The following SNX29 variants were observed in gnomAD, a reference collection of about 807,000 sequenced individuals.
SNX29 encodes the protein sorting nexin 29.
In SNX29, 78 loss-of-function variants were observed where a neutral mutation model predicts 102.1. That is an observed-to-expected ratio of 0.76 (90% CI 0.64 to 0.92). SNX29 has a LOEUF of 0.92. Among genes scored for constraint, SNX29 ranks in the 40% least tolerant of loss-of-function variants. The pLI is 0.00. For synonymous variants in SNX29, 580 were observed against 414.5 expected, an observed-to-expected ratio of 1.40 and a Z score of -4.85; for missense variants, 1,280 against 1,061.7, an observed-to-expected ratio of 1.21 and a Z score of -2.86.
At chr16:12,135,211 C>A (rs977001353) in intron 13 of SNX29, among the ~76,000 whole-genome samples, 2 of 152,248 alleles carry the variant, frequency 1.3e-5, no homozygotes, top group East Asian at 3.8e-4. Context: ...CTTCCAGAAA[C>A]ATCATCACAG....
At chr16:12,130,944 A>G (rs569830638) in intron 13 of SNX29, among the ~76,000 whole-genome samples, 8 of 152,130 alleles carry the variant, frequency 5.3e-5, no homozygotes, top group South Asian at 4.2e-4. Context: ...TGCTGCTACT[A>G]ATAATGCCAC....
At chr16:12,393,581 C>G (rs1056242758) in intron 16 of SNX29, among the ~76,000 whole-genome samples, 2 of 152,126 alleles carry the variant, frequency 1.3e-5, no homozygotes, top group Admixed American at 1.3e-4. Flanking sequence ...GGAGTCATTA[C>G]AAGCTGAAGA....
chr16:11,994,791 G>T (rs562920921), intron 1 of SNX29, among the ~76,000 whole-genome samples: 1 of 152,306 alleles, frequency 6.6e-6, no homozygotes, highest in African/African-American at 2.4e-5. Context: ...GATTCAAAGG[G>T]AGAAGGTAAG....
chr16:12,547,403 G>A (rs914726098), intron 20 of SNX29, among the ~76,000 whole-genome samples: 2 of 152,156 alleles, frequency 1.3e-5, no homozygotes, highest in East Asian at 1.9e-4. Context: ...GATAGAACAG[G>A]TAGTTAGGGG....
chr16:12,498,972 T>C (rs1166684311), intron 19 of SNX29, among the ~76,000 whole-genome samples: 1 of 152,148 alleles, frequency 6.6e-6, no homozygotes, highest in Non-Finnish European at 1.5e-5. Context: ...AATGGAGCCA[T>C]AGCTCCTTTT....
Position 11,976,824 on chromosome 16 carries a change from GC to G in SNX29, c.7+15del, listed in dbSNP as rs1328145621. 6.8e-5 allele frequency: 94 copies of G among 1,373,280 alleles called. No individual in the cohort carries two copies. The highest frequency in any genetic ancestry group is 8.3e-5 in the Non-Finnish European group (88 of 1,062,910). 85.1% of individuals were successfully genotyped at this position (1,373,280 alleles called of 1,614,324 possible). A position where few individuals can be genotyped will look rare whatever the true frequency, so the allele number is the denominator to read the frequency against. ...GAGGCACCATGAGCGGTGAGTGGCG[GC>G]CCCGCCGCTGTCACCTGCCCCGGCC... On this transcript the variant is annotated intron_variant, in intron 1 of 20. Coordinates refer to ENST00000566228, the MANE Select transcript of SNX29 (RefSeq NM_032167.5).
At chr16:12,560,878 A>T in intron 20 of SNX29, 1 of 188,230 alleles carries the variant, frequency 5.3e-6, no homozygotes, top group East Asian at 8.5e-5. Flanking sequence ...CTTTAGTTCA[A>T]GATTTGACAA....
At chr16:11,982,475 G>A (rs1236228821) in intron 1 of SNX29, among the ~76,000 whole-genome samples, 1 of 147,362 alleles carries the variant, frequency 6.8e-6, no homozygotes, top group Non-Finnish European at 1.5e-5. Flanking sequence ...TGTCACCCAG[G>A]CTGGAGTGCA....
chr16:12,237,462 C>T (rs768255940), intron 14 of SNX29, among the ~76,000 whole-genome samples: 3 of 152,202 alleles, frequency 2.0e-5, no homozygotes, highest in Non-Finnish European at 2.9e-5. Flanking sequence ...GACAGCCATG[C>T]CCCTGGATAG....
rs368537710 is a variant in SNX29, at chr16:12,531,979, C to G, written c.2318+7138C>G. Among the ~76,000 whole-genome samples, 13 of 152,262 alleles carry G rather than the reference C, an allele frequency of 8.5e-5. No individual in the cohort carries two copies. In the South Asian group the frequency reaches 1.0e-3, roughly 12 times the overall value. On this transcript the variant is annotated intron_variant, in intron 20 of 20. Transcript: ENST00000566228. ...CTGCTGAAAATTAAGATGTAGCAAT[C>G]ACAGTTTGGAGGAATCCACAGCGAC...
At chr16:12,397,598 T>C (rs2083767056) in intron 16 of SNX29, among the ~76,000 whole-genome samples, 1 of 152,162 alleles carries the variant, frequency 6.6e-6, no homozygotes, top group Non-Finnish European at 1.5e-5. Context: ...TGATCCTCCT[T>C]CTTAAAATTT....
At chr16:12,199,160 C>A (rs1355071390) in intron 13 of SNX29, among the ~76,000 whole-genome samples, 1 of 152,184 alleles carries the variant, frequency 6.6e-6, no homozygotes, top group Non-Finnish European at 1.5e-5. Flanking sequence ...TGATGCCTGG[C>A]AAATAATAAA....
intron 1 of SNX29, among the ~76,000 whole-genome samples, chr16:11,978,263 C>A (rs577563437): frequency 6.6e-6 from 1 of 152,034 alleles, no homozygotes; most frequent in East Asian, 1.9e-4. Flanking sequence ...TTAGTAATAC[C>A]TCAGTAAAGA....
At chr16:12,333,771 C>A (rs2081364344) in intron 15 of SNX29, among the ~76,000 whole-genome samples, 1 of 152,082 alleles carries the variant, frequency 6.6e-6, no homozygotes, top group Non-Finnish European at 1.5e-5. Flanking sequence ...GAGCCTATGT[C>A]CTGGGGACTG....
chr16:12,073,047 A>G (rs1227855655), intron 10 of SNX29, among the ~76,000 whole-genome samples: 1 of 151,160 alleles, frequency 6.6e-6, no homozygotes, highest in African/African-American at 2.4e-5. Flanking sequence ...CGTCTATTTG[A>G]TTCTTCTCTC....
chr16:12,262,595 C>T (rs1037447036), intron 14 of SNX29, among the ~76,000 whole-genome samples: 6 of 152,096 alleles, frequency 3.9e-5, no homozygotes, highest in South Asian at 2.1e-4. Context: ...AGGCCTGTCG[C>T]GGAGTAAGAG....
chr16:12,479,928 C>T (rs2087828196), intron 19 of SNX29, among the ~76,000 whole-genome samples: 1 of 152,152 alleles, frequency 6.6e-6, no homozygotes, highest in Non-Finnish European at 1.5e-5. Flanking sequence ...CCTGACTTAA[C>T]ATTGTCTGGG....
At chr16:12,450,307 G>C (rs1304361199) in intron 18 of SNX29, among the ~76,000 whole-genome samples, 1 of 152,246 alleles carries the variant, frequency 6.6e-6, no homozygotes, top group African/African-American at 2.4e-5. Flanking sequence ...GCAGGGAAGA[G>C]AGGGCTCTTG....
chr16:12,174,626 G>C (rs1271991508), intron 13 of SNX29, among the ~76,000 whole-genome samples: 1 of 152,190 alleles, frequency 6.6e-6, no homozygotes, highest in African/African-American at 2.4e-5. Context: ...GCGTTCACCA[G>C]TTTTCAAGGC....
Sources: allele counts gnomAD v4.1 joint callset (sites outside exome capture counted in the v4.1 genomes callset), GRCh38; gene constraint gnomAD v4.1.1; transcripts MANE v1.5; gene names NCBI Gene and HGNC (gene_info 2026-07-23, HGNC 2026-07-21).